ATP9A: variants seen among roughly 807,000 people sequenced by gnomAD.
ATP9A encodes the protein ATPase phospholipid transporting 9A, also known as probable phospholipid-transporting ATPase IIA.
Under a neutral mutation model 144.1 loss-of-function variants are expected in ATP9A, and 52 were observed. The observed-to-expected ratio is 0.36, with a 90% confidence interval of 0.29 to 0.45. The LOEUF is 0.45. ATP9A is among the 20% of genes least tolerant of loss of function. ATP9A has a pLI of 1.00. For synonymous variants in ATP9A, 582 were observed against 557.4 expected (o/e 1.04, Z -0.62); for missense variants, 947 against 1,392.7 (o/e 0.68, Z 5.09).
intron 9 of ATP9A, among the ~76,000 whole-genome samples, chr20:51,684,677 A>G (rs539548485): frequency 7.5e-5 from 10 of 134,076 alleles, no homozygotes; most frequent in Non-Finnish European, 1.4e-4. Context: ...GCCTGGGTGA[A>G]ACAGTGAGAC....
In ATP9A at chr20:51,620,650, C is replaced by T. The variant is rs141947835; in HGVS notation, c.2115+1424G>A. 5.5e-3 allele frequency among the ~76,000 whole-genome samples: 834 copies of T among 152,064 alleles called. 9 individuals are homozygous for T. Among genetic ancestry groups the T allele is most frequent in the South Asian group, 0.018 (85 of 4,804 alleles). ...TTATGGATGTTGGGAAGTTCAAGTT[C>T]CAGAAAACAAGCCAGCAAAGAAGCG... is the stretch of plus-strand genomic sequence containing the variant. On this transcript the variant is annotated intron_variant, in intron 19 of 27. Transcript: ENST00000338821.
intron 6 of ATP9A, 21 bp from the exon 7 acceptor site, chr20:51,694,123 C>G: frequency 6.2e-7 from 1 of 1,602,034 alleles, no homozygotes; most frequent in African/African-American, 1.3e-5. Context: ...AAGTCGGGTG[C>G]CGTCACCTGC....
chr20:51,698,969 C>G (rs1249999140), intron 4 of ATP9A, among the ~76,000 whole-genome samples: 1 of 152,138 alleles, frequency 6.6e-6, no homozygotes, highest in Non-Finnish European at 1.5e-5. Context: ...AGGAGCAACA[C>G]CACAAAATCT....
At chr20:51,615,794 C>G in intron 22 of ATP9A, among the ~76,000 whole-genome samples, 1 of 152,116 alleles carries the variant, frequency 6.6e-6, no homozygotes, top group East Asian at 1.9e-4. Context: ...CACTGCCATG[C>G]CTGGCTAATT....
chr20:51,625,475 A>T, intron 17 of ATP9A, 113 bp from the exon 18 acceptor site: 1 of 1,261,568 alleles, frequency 7.9e-7, no homozygotes, highest in South Asian at 1.6e-5. Context: ...GGGGTGGGGG[A>T]CCCCAGCAGG....
At chr20:51,727,152 C>T (rs1280470052) in intron 2 of ATP9A, among the ~76,000 whole-genome samples, 1 of 150,946 alleles carries the variant, frequency 6.6e-6, no homozygotes, top group African/African-American at 2.4e-5. Context: ...ATTAGCCAGG[C>T]ACCTATAGGC....
rs147774745 is a variant in ATP9A, at chr20:51,717,154, A to G, written c.328-4080T>C. ...ACCACTGCACTCCAGCCTGGGTGAC[A>G]GAGCAAGACTGCCTCAAAAAAAAAA... On this transcript the variant is annotated intron_variant, in intron 3 of 27. Transcript: ENST00000338821. Among the ~76,000 whole-genome samples, 1,198 of 143,324 alleles carry G rather than the reference A, an allele frequency of 8.4e-3. 57 individuals carry two copies. The highest frequency in any genetic ancestry group is 0.063 in the Admixed American group (854 of 13,644). The allele number at this position is 143,324 out of a possible 152,430, so 94.0% of individuals were successfully genotyped here.
chr20:51,624,565 C>G (rs2077240061), intron 18 of ATP9A, among the ~76,000 whole-genome samples: 1 of 152,192 alleles, frequency 6.6e-6, no homozygotes, highest in Non-Finnish European at 1.5e-5. Flanking sequence ...ACACGGCAGA[C>G]AGACCGGCGT....
intron 1 of ATP9A, chr20:51,734,934 G>C: frequency 9.4e-6 from 2 of 211,664 alleles, no homozygotes; most frequent in Non-Finnish European, 2.0e-5. Flanking sequence ...GCATGCTCAT[G>C]CCCGCACTGC....
intron 6 of ATP9A, among the ~76,000 whole-genome samples, chr20:51,695,576 G>A (rs763310344): frequency 2.0e-5 from 3 of 151,818 alleles, no homozygotes; most frequent in Non-Finnish European, 2.9e-5. Context: ...CCTTGTAGGA[G>A]ACTTCAGAGA....
At chr20:51,618,866 G>C (rs2077214368) in intron 20 of ATP9A, 60 bp from the exon 21 acceptor site, 7 of 1,583,366 alleles carry the variant, frequency 4.4e-6, no homozygotes, top group Middle Eastern at 1.7e-4. Flanking sequence ...GTTGGTGGAG[G>C]TCGCTGCCGA....
intron 3 of ATP9A, among the ~76,000 whole-genome samples, chr20:51,713,703 A>G (rs542400116): frequency 6.6e-6 from 1 of 152,250 alleles, no homozygotes; most frequent in Non-Finnish European, 1.5e-5. Context: ...AGATACATCC[A>G]TTGCATTCAC....
At chr20:51,669,904 T>A (rs999009663) in intron 13 of ATP9A, 93 bp downstream of exon 13, 62 of 857,928 alleles carry the variant, frequency 7.2e-5, no homozygotes, top group Non-Finnish European at 9.7e-6. Context: ...TTGAAATGGG[T>A]GAATTGTACG....
chr20:51,671,289 A>G (rs750839935), intron 11 of ATP9A, 32 bp from the exon 12 acceptor site: 6 of 1,605,084 alleles, frequency 3.7e-6, no homozygotes, highest in Non-Finnish European at 4.3e-6. Context: ...ACAGGCTAAC[A>G]GGACAGATGT....
At chr20:51,639,588 G>A (rs2077310101) in intron 14 of ATP9A, 84 bp from the exon 15 acceptor site, 4 of 1,393,196 alleles carry the variant, frequency 2.9e-6, no homozygotes, top group Non-Finnish European at 3.9e-6. Context: ...AAGGCAGAAG[G>A]GGGCTCAGAG....
intron 13 of ATP9A, among the ~76,000 whole-genome samples, chr20:51,659,556 T>C (rs1037918344): frequency 2.6e-5 from 4 of 152,150 alleles, no homozygotes; most frequent in African/African-American, 9.7e-5. Context: ...CCTACAACAG[T>C]CTTACTGAAT....
At chr20:51,690,256 T>C (rs1286007217) in intron 8 of ATP9A, among the ~76,000 whole-genome samples, 1 of 149,960 alleles carries the variant, frequency 6.7e-6, no homozygotes, top group Non-Finnish European at 1.5e-5. Flanking sequence ...CCGTCTCTAC[T>C]AAAAATACAA....
intron 13 of ATP9A, among the ~76,000 whole-genome samples, chr20:51,666,941 G>A (rs566684494): frequency 3.3e-5 from 5 of 152,128 alleles, no homozygotes; most frequent in Non-Finnish European, 7.3e-5. Flanking sequence ...CATCACACAC[G>A]TGGTCCTGTG....
chr20:51,715,949 T>C (rs1167286114), intron 3 of ATP9A, among the ~76,000 whole-genome samples: 1 of 147,320 alleles, frequency 6.8e-6, no homozygotes, highest in African/African-American at 2.5e-5. Flanking sequence ...TGCCAAGTTG[T>C]ACCTCAAAAA....
Sources: gnomAD v4.1 joint callset for allele counts (sites outside exome capture counted in the v4.1 genomes callset) on GRCh38, gnomAD v4.1.1 for gene constraint, MANE v1.5 for transcripts, NCBI Gene and HGNC (gene_info 2026-07-23, HGNC 2026-07-21) for gene names.